The following TTLL5 variants were observed in gnomAD, a reference collection of about 807,000 sequenced individuals.
The protein encoded by TTLL5 is tubulin polyglutamylase TTLL5.
TTLL5 carries 132 observed loss-of-function variants against 168.4 expected under a neutral mutation model. The observed-to-expected ratio is 0.78, with a 90% confidence interval of 0.68 to 0.91. TTLL5 has a LOEUF of 0.91. TTLL5 is among the 40% of genes least tolerant of loss of function. The pLI is 0.00. For missense variants in TTLL5, 1,545 were observed against 1,581.5 expected (o/e 0.98, Z 0.39); for synonymous variants, 546 against 558.6 (o/e 0.98, Z 0.32).
At chr14:75,801,843 C>G (rs17103681) in intron 27 of TTLL5, among the ~76,000 whole-genome samples, 20,164 of 152,204 alleles carry the variant, frequency 0.13, 1,520 homozygotes, top group African/African-American at 0.2. Flanking sequence ...TAGTTTCTTA[C>G]TCACTGAGTC....
chr14:75,773,949 G>GAGAGAGAAAGAGAGAA (rs1212210551), intron 21 of TTLL5, among the ~76,000 whole-genome samples: 5 of 46,346 alleles, frequency 1.1e-4, no homozygotes, highest in African/African-American at 3.9e-4. Context: ...GAGAGAGAGA[G>GAGAGAGAAAGAGAGAA]AGAGAGAAAG....
At chr14:75,662,035 A>T (rs903557214) in intron 1 of TTLL5, among the ~76,000 whole-genome samples, 99 of 152,290 alleles carry the variant, frequency 6.5e-4, no homozygotes, top group Non-Finnish European at 2.2e-4. Flanking sequence ...CACAACGAAC[A>T]TGTACTTTTT....
chr14:75,909,324 C>T (rs943068553), intron 31 of TTLL5, among the ~76,000 whole-genome samples: 1 of 148,250 alleles, frequency 6.7e-6, no homozygotes, highest in Admixed American at 6.9e-5. Flanking sequence ...TAGATACCAT[C>T]CCTATACCCT....
At chr14:75,833,044 G>T (rs1051378597) in intron 28 of TTLL5, among the ~76,000 whole-genome samples, 10 of 152,056 alleles carry the variant, frequency 6.6e-5, no homozygotes, top group African/African-American at 2.4e-4. Context: ...CCTGCCTCCC[G>T]CAGCTCTGCC....
At chr14:75,861,781 T>A (rs1292206491) in intron 28 of TTLL5, among the ~76,000 whole-genome samples, 1 of 152,152 alleles carries the variant, frequency 6.6e-6, no homozygotes, top group Non-Finnish European at 1.5e-5. Flanking sequence ...ACCAAAAGTG[T>A]TAAGGAGATG....
intron 9 of TTLL5, chr14:75,709,350 A>G (rs1035590890): frequency 1.1e-5 from 7 of 613,660 alleles, no homozygotes; most frequent in Non-Finnish European, 2.1e-5. Flanking sequence ...GAAATCAGTG[A>G]GAGCAGACTA....
chr14:75,914,036 ATATAT>A (rs1566658032), intron 31 of TTLL5, among the ~76,000 whole-genome samples: 6 of 114,232 alleles, frequency 5.3e-5, no homozygotes, highest in African/African-American at 2.0e-4. Context: ...AAAAAAAAAT[ATATAT>A]ATATATATAT....
At chr14:75,756,403 T>C (rs1334872034) in intron 18 of TTLL5, among the ~76,000 whole-genome samples, 1 of 152,168 alleles carries the variant, frequency 6.6e-6, no homozygotes, top group Non-Finnish European at 1.5e-5. Context: ...CATGGTGATA[T>C]AATCATTGAG....
intron 31 of TTLL5, among the ~76,000 whole-genome samples, chr14:75,924,581 A>T (rs1198758966): frequency 6.6e-6 from 1 of 151,934 alleles, no homozygotes. Flanking sequence ...CACATGTTTC[A>T]GAGAGCACAG....
At chr14:75,745,356 C>A in intron 16 of TTLL5, 134 bp from the exon 17 acceptor site, 1 of 1,197,388 alleles carries the variant, frequency 8.4e-7, no homozygotes, top group African/African-American at 1.5e-5. Flanking sequence ...CAGGGAAGAA[C>A]ATTTTAAATG....
At chr14:75,843,624 T>G (rs750930602) in intron 28 of TTLL5, among the ~76,000 whole-genome samples, 2 of 152,164 alleles carry the variant, frequency 1.3e-5, no homozygotes, top group Non-Finnish European at 2.9e-5. Context: ...AGCAGATGAG[T>G]GCTCAGATTC....
intron 15 of TTLL5, among the ~76,000 whole-genome samples, chr14:75,740,386 G>A (rs1277074739): frequency 6.6e-6 from 1 of 152,014 alleles, no homozygotes; most frequent in Non-Finnish European, 1.5e-5. Flanking sequence ...ACCACCAGGA[G>A]CATACTTCTT....
chr14:75,737,553 C>T, intron 15 of TTLL5: 2 of 1,534,076 alleles, frequency 1.3e-6, no homozygotes, highest in Admixed American at 2.0e-5. Context: ...TTCCATTTTT[C>T]TGTCTTTTAT....
intron 29 of TTLL5, among the ~76,000 whole-genome samples, chr14:75,865,399 G>A (rs1014993699): frequency 6.6e-6 from 1 of 151,862 alleles, no homozygotes; most frequent in African/African-American, 2.4e-5. Context: ...ATAGCCTGAA[G>A]ATCAAAAAAC....
intron 31 of TTLL5, among the ~76,000 whole-genome samples, chr14:75,926,089 A>T (rs1056211246): frequency 1.5e-5 from 2 of 130,738 alleles, no homozygotes; most frequent in African/African-American, 3.0e-5. Context: ...GGCCGTGGGG[A>T]GAGGGAGAGG....
intron 30 of TTLL5, among the ~76,000 whole-genome samples, chr14:75,901,633 G>A (rs1035279477): frequency 6.6e-6 from 1 of 152,200 alleles, no homozygotes; most frequent in African/African-American, 2.4e-5. Flanking sequence ...CCACAGTTGT[G>A]ATAACCACAG....
At chr14:75,721,102 ACTC>A (rs1386151302) in intron 12 of TTLL5, among the ~76,000 whole-genome samples, 1 of 151,192 alleles carries the variant, frequency 6.6e-6, no homozygotes, top group Non-Finnish European at 1.5e-5. Context: ...TTTTCCGATG[ACTC>A]CTCCTTTTTG....
chr14:75,812,293 T>A (rs899996404), intron 27 of TTLL5, among the ~76,000 whole-genome samples: 9 of 152,000 alleles, frequency 5.9e-5, no homozygotes, highest in Admixed American at 2.0e-4. Context: ...CCCCAAAGCT[T>A]AGGTGGAGGT....
At chr14:75,929,122 A>G (rs2034187658) in intron 31 of TTLL5, among the ~76,000 whole-genome samples, 1 of 152,036 alleles carries the variant, frequency 6.6e-6, no homozygotes. Context: ...TCTGTGGATC[A>G]GTGGTATCAA....
Sources: gnomAD v4.1 joint callset for allele counts (sites outside exome capture counted in the v4.1 genomes callset) on GRCh38, gnomAD v4.1.1 for gene constraint, MANE v1.5 for transcripts, NCBI Gene and HGNC (gene_info 2026-07-23, HGNC 2026-07-21) for gene names.